Variants in FBXO10 observed in about 807,000 individuals in gnomAD.
FBXO10 encodes the protein F-box only protein 10.
A neutral mutation model predicts 80.7 loss-of-function variants in FBXO10; 39 were observed. That is an observed-to-expected ratio of 0.48 (90% CI 0.37 to 0.63). The LOEUF (loss-of-function observed/expected upper bound fraction) is 0.63, where lower values mean the gene tolerates loss of function less well. Ranked by LOEUF, FBXO10 falls within the 30% of genes least tolerant of loss-of-function variation. FBXO10 has a pLI of 0.00. For missense variants in FBXO10, 1,025 were observed against 1,269.0 expected (o/e 0.81, Z 2.92); for synonymous variants, 449 against 489.6 (o/e 0.92, Z 1.09).
chr9:37,532,008 A>G lies in FBXO10; in HGVS notation c.1470T>C (p.Phe490=). The part of the protein sequence containing the change: ...DIYRCRASGI[F]LRLEGGGLIA... The stretch of plus-strand genomic sequence containing the variant: ...TCAAGCCACCGCCCTCCAAGCGAAG[A>G]AAGATGCCTGACGCTCGGCAGCGGT... The change falls in exon 4 of 11, where the codon TTT becomes TTC. Residue 490 remains phenylalanine (F), a synonymous_variant. Coordinates refer to ENST00000432825, the MANE Select transcript of FBXO10 (RefSeq NM_012166.3). 2 of 1,614,004 alleles carry G rather than the reference A, an allele frequency of 1.2e-6. No homozygotes were observed. The highest frequency in any genetic ancestry group is 1.7e-6 in the Non-Finnish European group (2 of 1,179,872).
At chr9:37,528,403 CAACGGTTTGCT>C (rs1821527026) in intron 5 of FBXO10, among the ~76,000 whole-genome samples, 1 of 152,210 alleles carries the variant, frequency 6.6e-6, no homozygotes, top group Non-Finnish European at 1.5e-5. Flanking sequence ...AAGCCACCGT[CAACGGTTTGCT>C]AACCCCTGAA....
At chr9:37,560,742 A>C (rs1016682627) in intron 1 of FBXO10, among the ~76,000 whole-genome samples, 1 of 152,060 alleles carries the variant, frequency 6.6e-6, no homozygotes, top group African/African-American at 2.4e-5. Flanking sequence ...GTGCACCTGG[A>C]GTGTGATGCC....
At chr9:37,557,591 C>T (rs138173358) in intron 1 of FBXO10, among the ~76,000 whole-genome samples, 188 of 152,284 alleles carry the variant, frequency 1.2e-3, no homozygotes, top group African/African-American at 4.1e-3. Flanking sequence ...GTGACCTATA[C>T]GTGGTACTCT....
At chr9:37,552,500 G>A (rs1822221549) in intron 1 of FBXO10, among the ~76,000 whole-genome samples, 1 of 151,964 alleles carries the variant, frequency 6.6e-6, no homozygotes, top group South Asian at 2.1e-4. Flanking sequence ...TGGCTGACAC[G>A]GTGAAACCCC....
chr9:37,532,370 G>T (rs1035722449), intron 3 of FBXO10, among the ~76,000 whole-genome samples: 2 of 148,090 alleles, frequency 1.4e-5, no homozygotes, highest in Non-Finnish European at 3.0e-5. Flanking sequence ...GCATGATCTC[G>T]GCTTACTGCA....
intron 1 of FBXO10, among the ~76,000 whole-genome samples, chr9:37,556,533 ATTTTTTTTTTTTTTTT>A (rs60829486): frequency 1.2e-4 from 9 of 75,102 alleles, no homozygotes; most frequent in African/African-American, 1.7e-4. Context: ...TTTGTTCTGG[ATTTTTTTTTTTTTTTT>A]TTTTTTTTTT....
At chr9:37,518,478 G>A in intron 8 of FBXO10, 40 bp from the exon 9 acceptor site, 1 of 1,522,094 alleles carries the variant, frequency 6.6e-7, no homozygotes, top group Non-Finnish European at 8.8e-7. Flanking sequence ...GGGTCCCAGG[G>A]TCAGCCCTGA....
rs761137598 is a variant in FBXO10 at position 37,518,451 on chromosome 9, G to C, written c.2201-13C>G. The C allele has an allele frequency of 4.0e-5, 63 of 1,564,024 alleles. No individual in the cohort carries two copies. The highest frequency in any genetic ancestry group is 5.0e-5 in the Non-Finnish European group (58 of 1,153,268). On this transcript the variant is annotated splice_polypyrimidine_tract_variant and intron_variant, in intron 8 of 10. Transcript: ENST00000432825. ...TAGAGTCCTGAGGCTATGGGTGGAA[G>C]GGTTGGAAAGCACAGGGGGTCCCAG... is the stretch of plus-strand genomic sequence containing the variant.
chr9:37,524,001 C>CG (rs1230930829), intron 6 of FBXO10, among the ~76,000 whole-genome samples: 13 of 152,180 alleles, frequency 8.5e-5, no homozygotes, highest in African/African-American at 3.1e-4. Flanking sequence ...TGTGAGAAGG[C>CG]GCTAGCCTCA....
At chr9:37,517,558 C>T (rs74993309) in intron 9 of FBXO10, among the ~76,000 whole-genome samples, 2,512 of 152,144 alleles carry the variant, frequency 0.017, 83 homozygotes, top group African/African-American at 0.057. Flanking sequence ...GGGGAGTGCT[C>T]TGTGAGGTAT....
At chr9:37,543,805 A>T (rs948222132) in intron 1 of FBXO10, among the ~76,000 whole-genome samples, 2 of 152,212 alleles carry the variant, frequency 1.3e-5, no homozygotes, top group Non-Finnish European at 2.9e-5. Flanking sequence ...GCAACTTCCA[A>T]GTCTGAAACC....
chr9:37,517,955 C>A (rs551347607), intron 9 of FBXO10, among the ~76,000 whole-genome samples, 170 bp downstream of exon 9: 1 of 150,680 alleles, frequency 6.6e-6, no homozygotes, highest in Admixed American at 6.6e-5. Context: ...CTCCGTCCCC[C>A]CCTGTGGGAA....
At chr9:37,560,006 C>T (rs1373302550) in intron 1 of FBXO10, among the ~76,000 whole-genome samples, 4 of 152,220 alleles carry the variant, frequency 2.6e-5, no homozygotes, top group Admixed American at 2.0e-4. Flanking sequence ...GACTTCACTA[C>T]TCTTCCCCAG....
chr9:37,541,600 G>A lies in FBXO10; in HGVS notation c.169C>T (p.His57Tyr). The A allele has an allele frequency of 1.2e-6, 2 of 1,613,820 alleles. No homozygotes were observed. Among genetic ancestry groups the A allele is most frequent in the East Asian group, 2.2e-5 (1 of 44,872 alleles). The change falls in exon 2 of 11, where the codon CAT becomes TAT. Residue 57 changes from histidine to tyrosine, a missense_variant. Physicochemically the swap from His to Tyr is moderately conservative, Grantham distance 83. Around this residue, in one of 3 missense-constraint regions of FBXO10, gnomAD observed 450 missense variants for 499.4 expected, o/e 0.90. Transcript: ENST00000432825. The stretch of plus-strand genomic sequence containing the variant: ...TCTGGCTGGTTGGGCCAATTGGGAT[G>A]GCGGCACTCGGTGCAACCCAGACAC... ...QLCLGCTECR[H>Y]PNWPNQPDVE...
chr9:37,534,503 C>G (rs909225327), intron 3 of FBXO10, among the ~76,000 whole-genome samples: 1 of 152,258 alleles, frequency 6.6e-6, no homozygotes, highest in Non-Finnish European at 1.5e-5. Flanking sequence ...GAGGCCTGAG[C>G]ACTTCCCTGC....
intron 9 of FBXO10, among the ~76,000 whole-genome samples, 169 bp downstream of exon 9, chr9:37,517,956 C>A (rs74691808): frequency 0.079 from 11,854 of 150,662 alleles, 780 homozygotes; most frequent in East Asian, 0.37. Context: ...TCCGTCCCCC[C>A]CTGTGGGAAG....
At chr9:37,561,201 G>C (rs1822474410) in intron 1 of FBXO10, among the ~76,000 whole-genome samples, 1 of 136,022 alleles carries the variant, frequency 7.4e-6, no homozygotes, top group Non-Finnish European at 1.5e-5. Flanking sequence ...TTTTAAAGAA[G>C]TGAGGTCTCT....
chr9:37,561,814 A>G (rs963731857), intron 1 of FBXO10, among the ~76,000 whole-genome samples: 2 of 152,246 alleles, frequency 1.3e-5, no homozygotes, highest in African/African-American at 4.8e-5. Context: ...GTTAAGGGGT[A>G]TATGTGCATG....
At chr9:37,552,785 C>T (rs892371888) in intron 1 of FBXO10, among the ~76,000 whole-genome samples, 17 of 151,524 alleles carry the variant, frequency 1.1e-4, no homozygotes, top group African/African-American at 3.4e-4. Flanking sequence ...CTGGTGAGGA[C>T]GTCCTTGCTC....
Sources: allele counts gnomAD v4.1 joint callset (sites outside exome capture counted in the v4.1 genomes callset), GRCh38; gene constraint gnomAD v4.1.1; regional missense constraint gnomAD v4.1.1; transcripts MANE v1.5; gene names NCBI Gene and HGNC (gene_info 2026-07-23, HGNC 2026-07-21).